Variants in NGEF observed in about 807,000 individuals in gnomAD.
The protein encoded by NGEF is neuronal guanine nucleotide exchange factor, also known as ephexin-1.
NGEF carries 31 observed loss-of-function variants against 80.9 expected under a neutral mutation model. The ratio of observed to expected loss-of-function variants is 0.38; its 90% CI spans 0.29 to 0.52. The LOEUF (loss-of-function observed/expected upper bound fraction) is 0.52, where lower values mean the gene tolerates loss of function less well. Ranked by LOEUF, NGEF falls within the 20% of genes least tolerant of loss-of-function variation. NGEF has a pLI of 0.84. For synonymous variants in NGEF, 371 were observed against 370.2 expected (o/e 1.00, Z -0.03); for missense variants, 709 against 926.2 (o/e 0.77, Z 3.04).
chr2:232,920,336 CG>C lies in NGEF; in HGVS notation c.775del (p.Arg259GlyfsTer34). 6.2e-7 allele frequency: 1 copy of C among 1,614,160 alleles called. No homozygotes were observed. Among genetic ancestry groups the C allele is most frequent in the Non-Finnish European group, 8.5e-7 (1 of 1,180,028 alleles). The part of the protein sequence containing the change: ...FNLWQDLPEI[R>X]SSGVLEILQP... Reference sequence around the variant, plus strand: ...TAGGATCTCAAGCACCCCGCTGCTCCGGATCTCGGGAAGATCCTGCCAGAGG... The same window carrying C: ...TAGGATCTCAAGCACCCCGCTGCTCCGATCTCGGGAAGATCCTGCCAGAGG... On this transcript the variant is annotated frameshift_variant, in exon 5 of 15. Coordinates refer to ENST00000264051, the MANE Select transcript of NGEF (RefSeq NM_019850.3). LOFTEE classifies it high-confidence loss of function.
chr2:232,930,251 C>T (rs949468475), intron 3 of NGEF, among the ~76,000 whole-genome samples: 2 of 151,650 alleles, frequency 1.3e-5, no homozygotes, highest in South Asian at 2.1e-4. Context: ...TCTGTGTCAC[C>T]GACTGCTGAC....
chr2:232,982,661 C>T (rs1694457569), intron 1 of NGEF, among the ~76,000 whole-genome samples: 1 of 152,154 alleles, frequency 6.6e-6, no homozygotes, highest in Non-Finnish European at 1.5e-5. Flanking sequence ...TTATAGGTGC[C>T]CGCTACCACA....
At chr2:232,999,901 G>A (rs1189023380) in intron 1 of NGEF, among the ~76,000 whole-genome samples, 1 of 152,208 alleles carries the variant, frequency 6.6e-6, no homozygotes, top group Non-Finnish European at 1.5e-5. Flanking sequence ...CCATAGTCAG[G>A]GAGATTTATA....
At chr2:232,973,562 G>C (rs1694235936) in intron 2 of NGEF, among the ~76,000 whole-genome samples, 1 of 152,180 alleles carries the variant, frequency 6.6e-6, no homozygotes, top group Non-Finnish European at 1.5e-5. Flanking sequence ...TTCTGCTCTT[G>C]CTCTCTCAGA....
intron 3 of NGEF, among the ~76,000 whole-genome samples, chr2:232,931,282 G>A (rs1012213591): frequency 6.6e-6 from 1 of 152,212 alleles, no homozygotes; most frequent in South Asian, 2.1e-4. Flanking sequence ...GCTGGGTGGG[G>A]CACTGTCTAC....
intron 5 of NGEF, chr2:232,901,455 CCT>C (rs1236587290): frequency 2.0e-6 from 2 of 985,210 alleles, no homozygotes; most frequent in East Asian, 1.1e-4. Flanking sequence ...TCTCCCGACC[CCT>C]GTGTTAACAA....
intron 3 of NGEF, among the ~76,000 whole-genome samples, chr2:232,938,371 C>G (rs924169591): frequency 6.6e-6 from 1 of 152,132 alleles, no homozygotes; most frequent in Non-Finnish European, 1.5e-5. Context: ...AACGAATTGC[C>G]TAAAACAGGC....
chr2:232,912,914 GATTT>G (rs905864313), intron 5 of NGEF, among the ~76,000 whole-genome samples: 3 of 151,994 alleles, frequency 2.0e-5, no homozygotes, highest in Non-Finnish European at 4.4e-5. Flanking sequence ...TCTTGATAGA[GATTT>G]ATTAATTTTA....
chr2:232,919,709 A>G (rs1250731531), intron 5 of NGEF, among the ~76,000 whole-genome samples: 1 of 152,196 alleles, frequency 6.6e-6, no homozygotes, highest in Non-Finnish European at 1.5e-5. Context: ...GCCTCAGCCT[A>G]ATTGATAGTC....
intron 5 of NGEF, among the ~76,000 whole-genome samples, chr2:232,902,502 T>C (rs745306407): frequency 5.9e-5 from 9 of 152,172 alleles, no homozygotes; most frequent in Non-Finnish European, 8.8e-5. Context: ...AACGCAGCCA[T>C]GGGATGCAGG....
intron 3 of NGEF, chr2:232,928,236 G>C: frequency 5.3e-6 from 5 of 938,956 alleles, no homozygotes; most frequent in Non-Finnish European, 6.3e-6. Flanking sequence ...GCGGGGGCGA[G>C]GCCGGGCGGC....
chr2:232,973,526 G>A lies in NGEF; in HGVS notation c.268+1097C>T, dbSNP rs919241374. 2.0e-5 allele frequency among the ~76,000 whole-genome samples: 3 copies of A among 152,182 alleles called. No homozygotes were observed. The South Asian group carries it at 6.2e-4, about 32-fold the overall frequency. ...GGGACTATGCAAGGTCTGAGTCTCC[G>A]TCTAGGCCTCAAGATGCCAGGCAGC... On this transcript the variant is annotated intron_variant, in intron 2 of 14. Coordinates refer to ENST00000264051, the MANE Select transcript of NGEF (RefSeq NM_019850.3).
chr2:232,880,916 C>T (rs1691481271), intron 14 of NGEF, among the ~76,000 whole-genome samples: 1 of 152,204 alleles, frequency 6.6e-6, no homozygotes, highest in Admixed American at 6.5e-5. Context: ...GGTGGGGTCT[C>T]CCGGCTCTAG....
intron 3 of NGEF, among the ~76,000 whole-genome samples, chr2:232,938,612 G>A (rs1373091201): frequency 6.6e-6 from 1 of 151,992 alleles, no homozygotes; most frequent in African/African-American, 2.4e-5. Flanking sequence ...AAATACTATA[G>A]GCCGGGTGTG....
At chr2:232,903,686 G>A (rs547280437) in intron 5 of NGEF, among the ~76,000 whole-genome samples, 3 of 152,100 alleles carry the variant, frequency 2.0e-5, no homozygotes, top group East Asian at 1.9e-4. Context: ...TAATGGCCAC[G>A]TCCACCTCAA....
intron 1 of NGEF, among the ~76,000 whole-genome samples, chr2:232,992,166 G>A (rs1044520314): frequency 6.6e-6 from 1 of 152,056 alleles, no homozygotes; most frequent in African/African-American, 2.4e-5. Flanking sequence ...ATAGGTAATG[G>A]TTTCCTACAT....
chr2:232,982,898 T>A (rs1368430152), intron 1 of NGEF, among the ~76,000 whole-genome samples: 1 of 152,196 alleles, frequency 6.6e-6, no homozygotes, highest in African/African-American at 2.4e-5. Flanking sequence ...CAGATGAAGT[T>A]TCTGGCTTGG....
At chr2:232,975,232 A>G (rs1004760555) in intron 1 of NGEF, among the ~76,000 whole-genome samples, 4 of 152,226 alleles carry the variant, frequency 2.6e-5, no homozygotes, top group African/African-American at 9.6e-5. Flanking sequence ...ACTACATTCA[A>G]ATAAATACTT....
chr2:233,006,047 C>A (rs533182294), intron 1 of NGEF, among the ~76,000 whole-genome samples: 151 of 152,186 alleles, frequency 9.9e-4, no homozygotes, highest in Non-Finnish European at 1.9e-3. Context: ...GAACTCTTGA[C>A]CTCAAGTGAT....
Sources: allele counts gnomAD v4.1 joint callset (sites outside exome capture counted in the v4.1 genomes callset), GRCh38; gene constraint gnomAD v4.1.1; transcripts MANE v1.5; gene names NCBI Gene and HGNC (gene_info 2026-07-23, HGNC 2026-07-21).